Variants in PSG5 observed in about 807,000 individuals in gnomAD.
The protein encoded by PSG5 is pregnancy-specific beta-1-glycoprotein 5.
PSG5 carries 53 observed loss-of-function variants against 37.7 expected under a neutral mutation model. The ratio of observed to expected loss-of-function variants is 1.41; its 90% confidence interval spans 1.13 to 1.77. The LOEUF (loss-of-function observed/expected upper bound fraction) is 1.77, where lower values mean the gene tolerates loss of function less well. Among genes scored for constraint, PSG5 ranks in the 40% most tolerant of loss-of-function variants. The pLI, the probability that PSG5 is intolerant of heterozygous loss-of-function variation, is 0.00. For missense variants in PSG5, 547 were observed against 405.2 expected (o/e 1.35, Z -3.00); for synonymous variants, 221 against 155.4 (o/e 1.42, Z -3.14).
intron 5 of PSG5, among the ~76,000 whole-genome samples, chr19:43,168,670 C>G (rs747498010): frequency 9.2e-5 from 14 of 151,822 alleles, no homozygotes; most frequent in Non-Finnish European, 4.4e-5. Context: ...TCGCGCCCAG[C>G]GTAGAATACT....
In PSG5 at chr19:43,186,509, G is replaced by T; in HGVS notation, c.-104C>A. The T allele has an allele frequency of 6.4e-7, 1 of 1,551,846 alleles. No homozygotes were observed. The highest frequency in any genetic ancestry group is 1.2e-5 in the South Asian group (1 of 83,532). On this transcript the variant is annotated 5_prime_UTR_variant, in exon 1 of 6. Transcript: ENST00000342951. ...GCTGTCCTTCCTCCTTCTGTGCTGA[G>T]CCTCTCTCCAGGGCAGGAGCACTTC...
intron 2 of PSG5, among the ~76,000 whole-genome samples, chr19:43,179,737 A>T (rs1396638187): frequency 1.3e-5 from 2 of 151,678 alleles, no homozygotes; most frequent in African/African-American, 4.9e-5. Flanking sequence ...TGGAGCCACA[A>T]GGTGGCGCAG....
intron 2 of PSG5, 97 bp downstream of exon 2, chr19:43,184,685 A>G (rs1005853096): frequency 1.4e-5 from 22 of 1,582,786 alleles, no homozygotes; most frequent in Admixed American, 8.4e-5. Flanking sequence ...TAATGCAGAG[A>G]GGGACACAGG....
intron 4 of PSG5, 71 bp from the exon 5 acceptor site, chr19:43,170,209 G>T: frequency 7.8e-7 from 1 of 1,285,412 alleles, no homozygotes; most frequent in Non-Finnish European, 1.1e-6. Context: ...TCAGGAAGAG[G>T]CATGTAGCAT....
intron 1 of PSG5, 112 bp from the exon 2 acceptor site, chr19:43,185,259 C>T (rs1347173212): frequency 3.5e-5 from 45 of 1,284,068 alleles, no homozygotes; most frequent in Non-Finnish European, 3.2e-6. Context: ...AAGACACACA[C>T]ACACACAAAC....
At position 43,185,091 on chromosome 19, in the gene PSG5, G is replaced by T. The variant is rs1237823326; in HGVS notation, c.121C>A (p.Leu41Met). 1.2e-6 allele frequency: 2 copies of T among 1,611,848 alleles called. No homozygotes were observed. The highest frequency in any genetic ancestry group is 1.7e-5 in the Admixed American group (1 of 59,858). Reference protein sequence around the residue: ...PITAQVTIEALPPKVSEGKDV... With the variant: ...PITAQVTIEAMPPKVSEGKDV... ...TTCCCCTCGGAAACTTTGGGTGGCA[G>T]GGCTTCAATCGTGACTTGAGCAGTG... The change falls in exon 2 of 6, where the codon CTG becomes ATG. Residue 41 changes from leucine (L) to methionine (M), a missense_variant. Coordinates refer to ENST00000342951, the MANE Select transcript of PSG5 (RefSeq NM_002781.4).
intron 1 of PSG5, among the ~76,000 whole-genome samples, chr19:43,185,502 C>T (rs1568377469): frequency 6.7e-6 from 1 of 149,740 alleles, no homozygotes; most frequent in Non-Finnish European, 1.5e-5. Context: ...CTGACACGTC[C>T]TTCAGAGACC....
chr19:43,177,102 T>A lies in PSG5; in HGVS notation c.431-954A>T, dbSNP rs189456372. ...TATTTTCTTTCACTGGACATTCTAC[T>A]CTCTGATTCCATGGATTCGACTACT... is the stretch of plus-strand genomic sequence containing the variant. On this transcript the variant is annotated intron_variant, in intron 2 of 5. Transcript: ENST00000342951. Among the ~76,000 whole-genome samples the A allele has an allele frequency of 9.0e-4, 136 of 151,748 alleles. 4 individuals are homozygous for A. Among genetic ancestry groups the A allele is most frequent in the Non-Finnish European group, 1.5e-3 (101 of 67,918 alleles).
intron 2 of PSG5, 28 bp downstream of exon 2, chr19:43,184,754 C>T (rs763133952): frequency 1.2e-6 from 2 of 1,611,476 alleles, no homozygotes; most frequent in South Asian, 1.1e-5. Context: ...TGTCCCCCAA[C>T]ACCCAGGGAT....
At chr19:43,186,159 G>T (rs569569977) in intron 1 of PSG5, among the ~76,000 whole-genome samples, 183 bp downstream of exon 1, 1 of 151,174 alleles carries the variant, frequency 6.6e-6, no homozygotes, top group Admixed American at 6.6e-5. Context: ...TGTATTTTTA[G>T]TAGAGACAGG....
intron 5 of PSG5, among the ~76,000 whole-genome samples, chr19:43,169,160 C>G (rs1189663331): frequency 6.6e-6 from 1 of 151,588 alleles, no homozygotes; most frequent in African/African-American, 2.4e-5. Flanking sequence ...TCAATTTTTT[C>G]TATTTTGGTA....
intron 4 of PSG5, among the ~76,000 whole-genome samples, chr19:43,172,214 A>G (rs1398920555): frequency 6.6e-6 from 1 of 151,550 alleles, no homozygotes; most frequent in African/African-American, 2.4e-5. Context: ...TTCATAATGA[A>G]AACATCCTAA....
intron 2 of PSG5, among the ~76,000 whole-genome samples, chr19:43,184,385 A>T (rs148833647): frequency 1.3e-5 from 2 of 151,538 alleles, no homozygotes; most frequent in African/African-American, 4.9e-5. Flanking sequence ...TTAGGGACAG[A>T]GGTCTGGGGT....
At chr19:43,181,621 G>A (rs758238930) in intron 2 of PSG5, among the ~76,000 whole-genome samples, 19 of 151,634 alleles carry the variant, frequency 1.3e-4, no homozygotes, top group Non-Finnish European at 2.7e-4. Flanking sequence ...ACCACGCCCA[G>A]CTAATTTTTT....
rs771679579 is a variant in PSG5 at position 43,184,901 on chromosome 19, T to C, written c.311A>G (p.Asn104Ser). 6.2e-6 allele frequency: 10 copies of C among 1,612,446 alleles called. No individual in the cohort carries two copies. Among genetic ancestry groups the C allele is most frequent in the South Asian group, 3.3e-5 (3 of 91,040 alleles). ...AYTGRETVYS[N>S]ASLLIQNVTR... ...GACATTCTGGATCAGCAGGGATGCATTGGAATATACTGTTTCTCGTCCAGT... is the reference window on the plus strand; with the variant it reads ...GACATTCTGGATCAGCAGGGATGCACTGGAATATACTGTTTCTCGTCCAGT... Residue 104 changes from asparagine to serine, a missense_variant, in exon 2 of 6, where the codon AAT (asparagine) becomes AGT (serine). Physicochemically the swap from Asn to Ser is conservative, Grantham distance 46. Coordinates refer to ENST00000342951, the MANE Select transcript of PSG5 (RefSeq NM_002781.4).
chr19:43,185,251 GACAC>G (rs34808647), intron 1 of PSG5, 104 bp from the exon 2 acceptor site: 30 of 1,351,490 alleles, frequency 2.2e-5, no homozygotes, highest in Non-Finnish European at 2.9e-5. Flanking sequence ...CAGCCTTGAA[GACAC>G]ACACACACAC....
At chr19:43,175,055 G>A (rs1353922453) in intron 4 of PSG5, 160 bp downstream of exon 4, 2 of 1,546,792 alleles carry the variant, frequency 1.3e-6, no homozygotes, top group Non-Finnish European at 1.7e-6. Flanking sequence ...GGAGAAGAGA[G>A]TTTGTAGAGA....
chr19:43,184,233 T>G (rs1279907473), intron 2 of PSG5, among the ~76,000 whole-genome samples: 2 of 151,762 alleles, frequency 1.3e-5, no homozygotes, highest in Non-Finnish European at 2.9e-5. Context: ...GATGAGGCTC[T>G]GAGGGCTGAG....
chr19:43,172,411 A>T lies in PSG5; in HGVS notation c.965-2273T>A, dbSNP rs1039189807. ...GTCAGAAAAATTAGGCAAGAATTGA[A>T]AAAAAGACATTCAAATTGGAAGGAA... On this transcript the variant is annotated intron_variant, in intron 4 of 5. Coordinates refer to ENST00000342951, the MANE Select transcript of PSG5 (RefSeq NM_002781.4). Among the ~76,000 whole-genome samples the T allele has an allele frequency of 3.3e-5, 5 of 151,738 alleles. 1 individual carries two copies. The highest frequency in any genetic ancestry group is 7.4e-5 in the Non-Finnish European group (5 of 67,892).
Sources: gnomAD v4.1 joint callset for allele counts (sites outside exome capture counted in the v4.1 genomes callset) on GRCh38, gnomAD v4.1.1 for gene constraint, MANE v1.5 for transcripts, NCBI Gene and HGNC (gene_info 2026-07-23, HGNC 2026-07-21) for gene names.